Variants in SRGAP3 observed in about 807,000 individuals in gnomAD.
The protein encoded by SRGAP3 is SLIT-ROBO Rho GTPase-activating protein 3.
In SRGAP3, 39 loss-of-function variants were observed where a neutral mutation model predicts 121.1. That is an observed-to-expected ratio of 0.32 (90% CI 0.25 to 0.42). The LOEUF (loss-of-function observed/expected upper bound fraction) is 0.42, where lower values mean the gene tolerates loss of function less well. Ranked by LOEUF, SRGAP3 falls within the 10% of genes least tolerant of loss-of-function variation. The pLI is 1.00. For synonymous variants in SRGAP3, 601 were observed against 570.0 expected (o/e 1.05, Z -0.77); for missense variants, 1,213 against 1,470.6 (o/e 0.82, Z 2.86).
intron 11 of SRGAP3, chr3:9,035,075 T>C (rs150403177): frequency 1.3e-5 from 2 of 152,156 alleles, no homozygotes; most frequent in African/African-American, 4.8e-5. Context: ...AAAATGTGAT[T>C]GAGGCTGGTG....
chr3:9,098,967 G>A (rs1052538826), intron 3 of SRGAP3, among the ~76,000 whole-genome samples: 2 of 152,102 alleles, frequency 1.3e-5, no homozygotes, highest in African/African-American at 4.8e-5. Context: ...TGCCCACTCT[G>A]CTCTCTCCCT....
At chr3:9,264,000 C>T (rs1054316278) in intron 3 of SRGAP3, among the ~76,000 whole-genome samples, 3 of 152,190 alleles carry the variant, frequency 2.0e-5, no homozygotes, top group South Asian at 4.1e-4. Context: ...AATCCAGCAG[C>T]ACGTTCTAAA....
chr3:9,180,487 C>G (rs965938090), intron 1 of SRGAP3, among the ~76,000 whole-genome samples: 3 of 152,194 alleles, frequency 2.0e-5, no homozygotes, highest in African/African-American at 4.8e-5. Context: ...CCTCAACCAC[C>G]AAGATGAACT....
chr3:9,320,138 G>T (rs1006306326), intron 3 of SRGAP3, among the ~76,000 whole-genome samples: 1 of 151,932 alleles, frequency 6.6e-6, no homozygotes, highest in Non-Finnish European at 1.5e-5. Context: ...TGGAAAAAGA[G>T]GAGACATGGC....
At chr3:9,153,778 T>C (rs544366337) in intron 1 of SRGAP3, among the ~76,000 whole-genome samples, 11 of 152,360 alleles carry the variant, frequency 7.2e-5, no homozygotes, top group Admixed American at 3.9e-4. Context: ...ATTATACATA[T>C]ACATATGTTA....
At chr3:9,281,712 G>A (rs2125265576) in intron 3 of SRGAP3, among the ~76,000 whole-genome samples, 1 of 152,196 alleles carries the variant, frequency 6.6e-6, no homozygotes, top group African/African-American at 2.4e-5. Context: ...TTGCTCTGTT[G>A]CCCAGGCTGG....
At chr3:9,162,989 C>G (rs1950648355) in intron 1 of SRGAP3, among the ~76,000 whole-genome samples, 1 of 152,150 alleles carries the variant, frequency 6.6e-6, no homozygotes, top group Non-Finnish European at 1.5e-5. Flanking sequence ...AGTTATTTAC[C>G]CTGTCTGTGC....
chr3:9,019,669 C>T (rs1943817489), intron 14 of SRGAP3, among the ~76,000 whole-genome samples: 1 of 152,236 alleles, frequency 6.6e-6, no homozygotes, highest in African/African-American at 2.4e-5. Flanking sequence ...ATACATGTCA[C>T]TGCCAGAGCC....
intron 1 of SRGAP3, among the ~76,000 whole-genome samples, chr3:9,163,526 G>A (rs1021743360): frequency 6.6e-6 from 1 of 152,188 alleles, no homozygotes; most frequent in African/African-American, 2.4e-5. Context: ...ACTGAAGTGG[G>A]GCTAAATTTA....
In SRGAP3 at chr3:8,982,221, A is replaced by G. The variant is rs1941454562; in HGVS notation, c.*3298T>C. The G allele has an allele frequency of 4.4e-6, 1 of 226,028 alleles. No homozygotes were observed. The highest frequency in any genetic ancestry group is 2.2e-5 in the African/African-American group (1 of 44,968). The allele number at this position is 226,028 out of a possible 1,614,324, so 14.0% of individuals were successfully genotyped here. A position where few individuals can be genotyped will look rare whatever the true frequency, so the allele number is the denominator to read the frequency against. On this transcript the variant is annotated 3_prime_UTR_variant, in exon 22 of 22. Coordinates refer to ENST00000383836, the MANE Select transcript of SRGAP3 (RefSeq NM_014850.4). ...AATAGACTGAACGTCGGTTACACAT[A>G]AAGACAAAAGGCTTGACCTCAGGAT...
At chr3:9,156,442 A>G (rs973986090) in intron 1 of SRGAP3, among the ~76,000 whole-genome samples, 1 of 152,286 alleles carries the variant, frequency 6.6e-6, no homozygotes, top group Non-Finnish European at 1.5e-5. Flanking sequence ...GATATTGGGG[A>G]CATTGCAGGT....
At chr3:9,067,942 T>C (rs1341545272) in intron 4 of SRGAP3, among the ~76,000 whole-genome samples, 2 of 152,090 alleles carry the variant, frequency 1.3e-5, no homozygotes, top group African/African-American at 4.8e-5. Context: ...GGATGGAATG[T>C]AAAGAAGAAA....
chr3:8,985,346 C>G lies in SRGAP3; in HGVS notation c.*173G>C. 1 of 1,371,294 alleles carries G rather than the reference C, an allele frequency of 7.3e-7. No homozygotes were observed. The highest frequency in any genetic ancestry group is 9.5e-7 in the Non-Finnish European group (1 of 1,048,298). The allele number at this position is 1,371,294 out of a possible 1,614,324, so 84.9% of individuals were successfully genotyped here. On this transcript the variant is annotated 3_prime_UTR_variant, in exon 22 of 22. Coordinates refer to ENST00000383836, the MANE Select transcript of SRGAP3 (RefSeq NM_014850.4). The surrounding 1 kb of genome is among the most constrained non-coding windows in gnomAD (Gnocchi z 5.1). The stretch of plus-strand genomic sequence containing the variant: ...CGAGAGGTCCGTGGGATTCCCATGG[C>G]TGGACGTGAGCTGCAGCCAGCGCCC...
chr3:8,994,314 T>G, intron 19 of SRGAP3, 29 bp downstream of exon 19: 6 of 1,613,220 alleles, frequency 3.7e-6, no homozygotes, highest in Non-Finnish European at 4.2e-6. Context: ...TATTTCGGCA[T>G]TCTTCACAGA....
intron 1 of SRGAP3, among the ~76,000 whole-genome samples, chr3:9,183,767 A>AAC (rs62971361): frequency 0.031 from 4,631 of 148,214 alleles, 75 homozygotes; most frequent in African/African-American, 0.063. Context: ...CAAATTTGCT[A>AAC]ACACACACAC....
Position 9,157,235 on chromosome 3 carries a change from G to A in SRGAP3, c.68-32318C>T, listed in dbSNP as rs551217380. Among the ~76,000 whole-genome samples, 8 of 152,246 alleles carry A rather than the reference G, an allele frequency of 5.3e-5. No homozygotes were observed. The East Asian group carries it at 1.5e-3, about 29-fold the overall frequency. The stretch of plus-strand genomic sequence containing the variant: ...AGAAGGGCGAAGGGGAAGCAAGCAC[G>A]TCTTCACATGGTGGCAGCAGAGAAA... On this transcript the variant is annotated intron_variant, in intron 1 of 21. Transcript: ENST00000383836.
At chr3:9,063,348 C>G (rs960161566) in intron 5 of SRGAP3, among the ~76,000 whole-genome samples, 1 of 151,860 alleles carries the variant, frequency 6.6e-6, no homozygotes, top group South Asian at 2.1e-4. Context: ...AACCTGGTCT[C>G]GAACTCCTGG....
intron 1 of SRGAP3, among the ~76,000 whole-genome samples, chr3:9,129,681 A>G (rs959930127): frequency 6.6e-6 from 1 of 151,798 alleles, no homozygotes; most frequent in African/African-American, 2.4e-5. Context: ...ATCTCCTCAA[A>G]TGAAATTTAA....
intron 3 of SRGAP3, among the ~76,000 whole-genome samples, chr3:9,311,092 C>T (rs896214524): frequency 1.3e-5 from 2 of 151,798 alleles, no homozygotes; most frequent in African/African-American, 2.4e-5. Context: ...ATCTCTTGAA[C>T]CCAGGAGGTG....
Sources: gnomAD v4.1 joint callset for allele counts (sites outside exome capture counted in the v4.1 genomes callset) on GRCh38, gnomAD v4.1.1 for gene constraint, Gnocchi (gnomAD v3.1) non-coding constraint, MANE v1.5 for transcripts, NCBI Gene and HGNC (gene_info 2026-07-23, HGNC 2026-07-21) for gene names.